Variants in TSPYL6 observed in about 807,000 individuals in gnomAD.
The protein encoded by TSPYL6 is testis-specific Y-encoded-like protein 6.
For missense variants in TSPYL6, 699 were observed against 531.5 expected (o/e 1.32, Z -3.10); for synonymous variants, 259 against 214.8 (o/e 1.21, Z -1.80).
Position 54,256,039 on chromosome 2 carries a change from T to A in TSPYL6, c.113A>T (p.Asp38Val), listed in dbSNP as rs769906188. The A allele has an allele frequency of 6.2e-7, 1 of 1,614,098 alleles. No individual in the cohort carries two copies. Among genetic ancestry groups the A allele is most frequent in the Admixed American group, 1.7e-5 (1 of 60,018 alleles). Residue 38 changes from aspartate (D) to valine (V), a missense_variant, in exon 1 of 1, where the codon GAT (aspartate) becomes GTT (valine). By Grantham distance (152) the Asp-to-Val change is radical (BLOSUM62 -3). Transcript: ENST00000317802. ...EKSKATEVMA[D>V]MFDGRLEPIV... ...TGGCTCCAAGCGGCCATCAAACATA[T>A]CTGCCATTACCTCTGTCGCCTTGCT...
the TSPYL6 span, chr2:54,255,122 G>A: frequency 8.7e-6 from 14 of 1,614,108 alleles, no homozygotes; most frequent in Non-Finnish European, 1.2e-5. Context: ...ATGACATGTC[G>A]GTTCCTATGA....
chr2:54,254,898 G>T lies in TSPYL6; in HGVS notation c.*21C>A, dbSNP rs780282160. 6.3e-7 allele frequency: 1 copy of T among 1,598,194 alleles called. No homozygotes were observed. The highest frequency in any genetic ancestry group is 1.1e-5 in the South Asian group (1 of 88,742). ...GGTGGTGGCAGGCAACCTTCTGCAG[G>T]AGTAATTCCAAAGGCAAAGGTTAAC... On this transcript the variant is annotated 3_prime_UTR_variant, in exon 1 of 1. Transcript: ENST00000317802.
the TSPYL6 span, chr2:54,255,163 C>T: frequency 6.2e-7 from 1 of 1,614,178 alleles, no homozygotes; most frequent in Non-Finnish European, 8.5e-7. Context: ...GCCCCGGCGC[C>T]ACATGATTAG....
At position 54,255,339 on chromosome 2, in the gene TSPYL6, G is replaced by A. The variant is rs777341981; in HGVS notation, c.813C>T (p.Ala271=). The A allele has an allele frequency of 1.9e-6, 3 of 1,614,120 alleles. No homozygotes were observed. Among genetic ancestry groups the A allele is most frequent in the Non-Finnish European group, 2.5e-6 (3 of 1,180,032 alleles). Reference sequence around the variant, plus strand: ...AATTGGTTAAGTAGCTTAACATCTCGGCATCTTGGCCTCTAATCATGGCAG... The same window carrying A: ...AATTGGTTAAGTAGCTTAACATCTCAGCATCTTGGCCTCTAATCATGGCAG... ...QLSAMIRGQD[A]EMLSYLTNLE... The change falls in exon 1 of 1, where the codon GCC becomes GCT. Residue 271 remains alanine, a synonymous_variant. Transcript: ENST00000317802.
Position 54,255,568 on chromosome 2 carries a change from G to A in TSPYL6, c.584C>T (p.Pro195Leu). The A allele has an allele frequency of 8.5e-7, 1 of 1,179,574 alleles. No individual in the cohort carries two copies. Among genetic ancestry groups the A allele is most frequent in the South Asian group, 1.5e-5 (1 of 66,304 alleles). 73.1% of individuals were successfully genotyped at this position (1,179,574 alleles called of 1,614,324 possible). ...GTTCAGGTGGAGACCCACGTTCAGG[G>A]GCCCGGGCCCGGGCCCAGGCCCTGC... ...REAGPGPGPG[P>L]LNVGLHLNPL... is the part of the protein sequence containing the mutation. The change falls in exon 1 of 1, where the codon CCC (proline) becomes CTC (leucine). Residue 195 changes from proline to leucine, a missense_variant. Transcript: ENST00000317802.
At position 54,253,430 on chromosome 2, in the gene TSPYL6, G is replaced by C. The variant is rs1687332232; in HGVS notation, c.*1489C>G. On this transcript the variant is annotated 3_prime_UTR_variant, in exon 1 of 1. Coordinates refer to ENST00000317802, the MANE Select transcript of TSPYL6 (RefSeq NM_001003937.3). The stretch of plus-strand genomic sequence containing the variant: ...TGAATCTTCCCAGTAAACAGAAAGA[G>C]AAAATATTATAACACAGTATTAATC... The C allele has an allele frequency of 6.6e-6, 1 of 152,020 alleles. No homozygotes were observed. Among genetic ancestry groups the C allele is most frequent in the Admixed American group, 6.5e-5 (1 of 15,272 alleles). 9.4% of individuals were successfully genotyped at this position (152,020 alleles called of 1,614,324 possible).
chr2:54,254,900 G>C lies in TSPYL6; in HGVS notation c.*19C>G. 1.3e-6 allele frequency: 2 copies of C among 1,598,880 alleles called. No homozygotes were observed. The highest frequency in any genetic ancestry group is 2.7e-5 in the African/African-American group (2 of 74,400). Reference sequence around the variant, plus strand: ...TGGTGGCAGGCAACCTTCTGCAGGAGTAATTCCAAAGGCAAAGGTTAACCA... The same window carrying C: ...TGGTGGCAGGCAACCTTCTGCAGGACTAATTCCAAAGGCAAAGGTTAACCA... On this transcript the variant is annotated 3_prime_UTR_variant, in exon 1 of 1. Coordinates refer to ENST00000317802, the MANE Select transcript of TSPYL6 (RefSeq NM_001003937.3).
At position 54,255,540 on chromosome 2, in the gene TSPYL6, G is replaced by A. The variant is rs1687460494; in HGVS notation, c.612C>T (p.Pro204=). 1.9e-6 allele frequency: 3 copies of A among 1,613,600 alleles called. No homozygotes were observed. Among genetic ancestry groups the A allele is most frequent in the South Asian group, 1.1e-5 (1 of 91,050 alleles). ...GPLNVGLHLN[P]LESIQLELDS... ...CCAGTTCCAGCTGGATGGACTCCAGGGGGTTCAGGTGGAGACCCACGTTCA... is the reference window on the plus strand; with the variant it reads ...CCAGTTCCAGCTGGATGGACTCCAGAGGGTTCAGGTGGAGACCCACGTTCA... Residue 204 remains proline, a synonymous_variant, in exon 1 of 1, where the codon CCC becomes CCT. Coordinates refer to ENST00000317802, the MANE Select transcript of TSPYL6 (RefSeq NM_001003937.3).
rs1687414807 is a variant in TSPYL6 at position 54,254,817 on chromosome 2, A to G, written c.*102T>C. 2 of 1,205,002 alleles carry G rather than the reference A, an allele frequency of 1.7e-6. No individual in the cohort carries two copies. Among genetic ancestry groups the G allele is most frequent in the Non-Finnish European group, 2.3e-6 (2 of 865,140 alleles). 74.6% of individuals were successfully genotyped at this position (1,205,002 alleles called of 1,614,324 possible). On this transcript the variant is annotated 3_prime_UTR_variant, in exon 1 of 1. Coordinates refer to ENST00000317802, the MANE Select transcript of TSPYL6 (RefSeq NM_001003937.3). ...TTTAAACAGAGGGTACAGGAAAGTCAGAACAAAAAAAGTAAAGGGCATACC... is the reference window on the plus strand; with the variant it reads ...TTTAAACAGAGGGTACAGGAAAGTCGGAACAAAAAAAGTAAAGGGCATACC...
At position 54,254,617 on chromosome 2, in the gene TSPYL6, C is replaced by G. The variant is rs1388160353; in HGVS notation, c.*302G>C. 3.5e-6 allele frequency: 1 copy of G among 287,656 alleles called. No homozygotes were observed. The highest frequency in any genetic ancestry group is 6.5e-6 in the Non-Finnish European group (1 of 154,798). The allele number at this position is 287,656 out of a possible 1,614,324, so 17.8% of individuals were successfully genotyped here. On this transcript the variant is annotated 3_prime_UTR_variant, in exon 1 of 1. Transcript: ENST00000317802. Reference sequence around the variant, plus strand: ...CAGACCAGAGGTCCTGGGAACAAACCGAGTCCAAACAAAGGTAAATACAGT... The same window carrying G: ...CAGACCAGAGGTCCTGGGAACAAACGGAGTCCAAACAAAGGTAAATACAGT...
rs763345976 is a variant in TSPYL6 at position 54,256,171 on chromosome 2, G to C, written c.-20C>G. On this transcript the variant is annotated 5_prime_UTR_variant, in exon 1 of 1. Coordinates refer to ENST00000317802, the MANE Select transcript of TSPYL6 (RefSeq NM_001003937.3). ...GCTCATGTTGGTAGCGGCCAGGGCAGCAGTGGGTAGAGGCCAGGCCAGAGG... is the reference window on the plus strand; with the variant it reads ...GCTCATGTTGGTAGCGGCCAGGGCACCAGTGGGTAGAGGCCAGGCCAGAGG... The C allele has an allele frequency of 4.4e-6, 7 of 1,598,930 alleles. No individual in the cohort carries two copies. In the South Asian group the frequency reaches 7.9e-5, roughly 18 times the overall value.
At position 54,254,657 on chromosome 2, in the gene TSPYL6, C is replaced by A. The variant is rs2104019090; in HGVS notation, c.*262G>T. On this transcript the variant is annotated 3_prime_UTR_variant, in exon 1 of 1. Transcript: ENST00000317802. Reference sequence around the variant, plus strand: ...GTAAATACAGTGTAACCTACAGCATCATTCGCTTCGCTTAGAAGGATGTGA... The same window carrying A: ...GTAAATACAGTGTAACCTACAGCATAATTCGCTTCGCTTAGAAGGATGTGA... 2 of 455,928 alleles carry A rather than the reference C, an allele frequency of 4.4e-6. No individual in the cohort carries two copies. The highest frequency in any genetic ancestry group is 3.6e-5 in the East Asian group (1 of 27,698). The allele number at this position is 455,928 out of a possible 1,614,324, so 28.2% of individuals were successfully genotyped here. A position where few individuals can be genotyped will look rare whatever the true frequency, so the allele number is the denominator to read the frequency against.
Position 54,254,839 on chromosome 2 carries a change from T to C in TSPYL6, c.*80A>G. Reference sequence around the variant, plus strand: ...GTCAGAACAAAAAAAGTAAAGGGCATACCTAATGCTGTTGCCCAAGCTCAG... The same window carrying C: ...GTCAGAACAAAAAAAGTAAAGGGCACACCTAATGCTGTTGCCCAAGCTCAG... On this transcript the variant is annotated 3_prime_UTR_variant, in exon 1 of 1. Coordinates refer to ENST00000317802, the MANE Select transcript of TSPYL6 (RefSeq NM_001003937.3). 7.2e-7 allele frequency: 1 copy of C among 1,380,918 alleles called. No homozygotes were observed. The highest frequency in any genetic ancestry group is 9.8e-7 in the Non-Finnish European group (1 of 1,015,424). 85.5% of individuals were successfully genotyped at this position (1,380,918 alleles called of 1,614,324 possible).
chr2:54,255,280 C>G lies in TSPYL6; in HGVS notation c.872G>C (p.Gly291Ala), dbSNP rs1360800937. The change falls in exon 1 of 1, where the codon GGC (glycine) becomes GCC (alanine). Residue 291 changes from glycine to alanine, a missense_variant. By Grantham distance (60) the Gly-to-Ala change is moderately conservative (BLOSUM62 0). Transcript: ENST00000317802. ...TTGAAAGAAGAACTTAAACTTGCAGCCTGTCCTAGGGTGTCTGAGCTCCTT... is the reference window on the plus strand; with the variant it reads ...TTGAAAGAAGAACTTAAACTTGCAGGCTGTCCTAGGGTGTCTGAGCTCCTT... ...EVKELRHPRTGCKFKFFFQRN... is the reference protein window; with the variant it reads ...EVKELRHPRTACKFKFFFQRN... 7 of 1,614,056 alleles carry G rather than the reference C, an allele frequency of 4.3e-6. No individual in the cohort carries two copies. Among genetic ancestry groups the G allele is most frequent in the African/African-American group, 1.3e-5 (1 of 74,922 alleles).
chr2:54,255,844 G>A lies in TSPYL6; in HGVS notation c.308C>T (p.Ala103Val), dbSNP rs778072428. Residue 103 changes from alanine to valine, a missense_variant, in exon 1 of 1, where the codon GCC becomes GTC. By Grantham distance (64) the Ala-to-Val change is moderately conservative (BLOSUM62 0). Coordinates refer to ENST00000317802, the MANE Select transcript of TSPYL6 (RefSeq NM_001003937.3). Reference sequence around the variant, plus strand: ...GAGGCTGCCGTCAGTTGTCAGCGAGGCAGAGGCCGCTTCTAGGCCCTCCGC... The same window carrying A: ...GAGGCTGCCGTCAGTTGTCAGCGAGACAGAGGCCGCTTCTAGGCCCTCCGC... ...PPAEGLEAAS[A>V]SLTTDGSLKN... 6.2e-7 allele frequency: 1 copy of A among 1,613,986 alleles called. No homozygotes were observed. Among genetic ancestry groups the A allele is most frequent in the Admixed American group, 1.7e-5 (1 of 60,026 alleles).
chr2:54,254,744 G>A lies in TSPYL6; in HGVS notation c.*175C>T, dbSNP rs919190028. The A allele has an allele frequency of 1.6e-6, 1 of 617,838 alleles. No individual in the cohort carries two copies. Among genetic ancestry groups the A allele is most frequent in the Non-Finnish European group, 2.8e-6 (1 of 359,410 alleles). The allele number at this position is 617,838 out of a possible 1,614,324, so 38.3% of individuals were successfully genotyped here. A position where few individuals can be genotyped will look rare whatever the true frequency, so the allele number is the denominator to read the frequency against. On this transcript the variant is annotated 3_prime_UTR_variant, in exon 1 of 1. Transcript: ENST00000317802. The stretch of plus-strand genomic sequence containing the variant: ...AGCAAGACGACCAGGTGAAAGGGGA[G>A]CAGCACAGCCACCAAGGTCTCAATC...
rs777179867 is a variant in TSPYL6, at chr2:54,256,113, G to A, written c.39C>T (p.Leu13=). The part of the protein sequence containing the change: ...LPESPHSPAT[L]DYALEDPHQG... ...GGTGCGGGTCTTCCAGAGCATAGTC[G>A]AGAGTAGCGGGGCTGTGAGGACTCT... The change falls in exon 1 of 1, where the codon CTC becomes CTT. Residue 13 remains leucine, a synonymous_variant. Coordinates refer to ENST00000317802, the MANE Select transcript of TSPYL6 (RefSeq NM_001003937.3). 19 of 1,613,944 alleles carry A rather than the reference G, an allele frequency of 1.2e-5. No individual in the cohort carries two copies. Among genetic ancestry groups the A allele is most frequent in the Non-Finnish European group, 1.5e-5 (18 of 1,180,000 alleles).
rs1687336162 is a variant in TSPYL6, at chr2:54,253,531, TC to T, written c.*1387del. On this transcript the variant is annotated 3_prime_UTR_variant, in exon 1 of 1. Coordinates refer to ENST00000317802, the MANE Select transcript of TSPYL6 (RefSeq NM_001003937.3). ...GCAGTGTTTCTTCAAAGAACCCTTC[TC>T]TAGGGAACATATTTAACACTCCAAC... 1 of 152,180 alleles carries T rather than the reference TC, an allele frequency of 6.6e-6. No homozygotes were observed. The highest frequency in any genetic ancestry group is 2.4e-5 in the African/African-American group (1 of 41,430). 9.4% of individuals were successfully genotyped at this position (152,180 alleles called of 1,614,324 possible). A position where few individuals can be genotyped will look rare whatever the true frequency, so the allele number is the denominator to read the frequency against.
At position 54,255,697 on chromosome 2, in the gene TSPYL6, G is replaced by A; in HGVS notation, c.455C>T (p.Pro152Leu). The A allele has an allele frequency of 6.2e-7, 1 of 1,613,916 alleles. No homozygotes were observed. The highest frequency in any genetic ancestry group is 8.5e-7 in the Non-Finnish European group (1 of 1,180,024). The change falls in exon 1 of 1, where the codon CCT becomes CTT. Residue 152 changes from proline (P) to leucine (L), a missense_variant. By Grantham distance (98) the Pro-to-Leu change is moderately conservative. Coordinates refer to ENST00000317802, the MANE Select transcript of TSPYL6 (RefSeq NM_001003937.3). ...GGCTGAGAACATGGCACACTCCTCA[G>A]GCTTCACGTCCTCGGCCTTCCCCTC... Reference protein sequence around the residue: ...IAEGKAEDVKPEECAMFSAPV... With the variant: ...IAEGKAEDVKLEECAMFSAPV...
Sources: gnomAD v4.1 joint callset for allele counts on GRCh38, gnomAD v4.1.1 for gene constraint, MANE v1.5 for transcripts, NCBI Gene and HGNC (gene_info 2026-07-23, HGNC 2026-07-21) for gene names.